Variants in PDE3B observed in about 807,000 individuals in gnomAD.
The protein encoded by PDE3B is cGMP-inhibited 3',5'-cyclic phosphodiesterase 3B.
PDE3B carries 66 observed loss-of-function variants against 116.8 expected under a neutral mutation model. The ratio of observed to expected loss-of-function variants is 0.56; its 90% CI spans 0.46 to 0.69. The LOEUF is 0.69. PDE3B is among the 30% of genes least tolerant of loss of function. The pLI, the probability that PDE3B is intolerant of heterozygous loss-of-function variation, is 0.00. For missense variants in PDE3B, 1,384 were observed against 1,368.1 expected, an observed-to-expected ratio of 1.01 and a Z score of -0.18; for synonymous variants, 595 against 533.6, an observed-to-expected ratio of 1.12 and a Z score of -1.59.
At chr11:14,726,568 G>C (rs1251364826) in intron 1 of PDE3B, among the ~76,000 whole-genome samples, 2 of 152,184 alleles carry the variant, frequency 1.3e-5, no homozygotes, top group African/African-American at 4.8e-5. Context: ...AAGGGACCCA[G>C]ATTCAAGCCT....
At chr11:14,845,141 C>A (rs1240250929) in intron 12 of PDE3B, among the ~76,000 whole-genome samples, 2 of 151,990 alleles carry the variant, frequency 1.3e-5, no homozygotes, top group African/African-American at 2.4e-5. Context: ...CGAGACAAAA[C>A]TTCCAGAGGA....
At chr11:14,746,950 G>T (rs1856925528) in intron 1 of PDE3B, among the ~76,000 whole-genome samples, 2 of 152,148 alleles carry the variant, frequency 1.3e-5, no homozygotes, top group Non-Finnish European at 2.9e-5. Context: ...AAGAAAAGAG[G>T]TTTAGTTGGC....
chr11:14,676,271 C>T (rs143683789), intron 1 of PDE3B, among the ~76,000 whole-genome samples: 159 of 152,186 alleles, frequency 1.0e-3, no homozygotes, highest in African/African-American at 3.6e-3. Context: ...TAGGTGATTT[C>T]GTCATTGTGC....
Position 14,778,020 on chromosome 11 carries a change from C to T in PDE3B, c.1029+6033C>T, listed in dbSNP as rs369678637. 1.8e-4 allele frequency among the ~76,000 whole-genome samples: 27 copies of T among 152,212 alleles called. 1 individual carries two copies. The highest frequency in any genetic ancestry group is 1.3e-3 in the Admixed American group (20 of 15,286). On this transcript the variant is annotated intron_variant, in intron 2 of 15. Coordinates refer to ENST00000282096, the MANE Select transcript of PDE3B (RefSeq NM_000922.4). ...CAAACGGCACACCAGGAGATTATGT[C>T]CTGTGCCTGGCTCGGGGGGTTCCAC...
intron 10 of PDE3B, among the ~76,000 whole-genome samples, chr11:14,833,445 GGTT>G (rs1050419586): frequency 2.0e-5 from 3 of 151,996 alleles, no homozygotes; most frequent in Non-Finnish European, 4.4e-5. Flanking sequence ...TTTTTCACCT[GGTT>G]GTTATACAGT....
intron 1 of PDE3B, among the ~76,000 whole-genome samples, chr11:14,662,352 T>TG (rs1370034338): frequency 2.0e-5 from 3 of 151,850 alleles, no homozygotes; most frequent in African/African-American, 7.3e-5. Context: ...ACCACAAAGA[T>TG]GGGGAAAAAA....
rs11023356 is a variant in PDE3B, at chr11:14,848,621, G to A, written c.2520+4595G>A. 9.8e-5 allele frequency among the ~76,000 whole-genome samples: 15 copies of A among 152,288 alleles called. No homozygotes were observed. The East Asian group carries it at 2.7e-3, about 27-fold the overall frequency. On this transcript the variant is annotated intron_variant, in intron 12 of 15. Transcript: ENST00000282096. The stretch of plus-strand genomic sequence containing the variant: ...TCTCAGCCCAAAATCTCCTTAAGCT[G>A]ATAAGCAACTTCAGCAAAGTCTGAG...
chr11:14,673,378 G>A (rs1854431308), intron 1 of PDE3B, among the ~76,000 whole-genome samples: 1 of 151,410 alleles, frequency 6.6e-6, no homozygotes, highest in Non-Finnish European at 1.5e-5. Flanking sequence ...GTCCATCATT[G>A]AATACACTGG....
rs371532944 is a variant in PDE3B at position 14,661,864 on chromosome 11, C to A, written c.978+16811C>A. On this transcript the variant is annotated intron_variant, in intron 1 of 15. Coordinates refer to ENST00000282096, the MANE Select transcript of PDE3B (RefSeq NM_000922.4). Reference sequence around the variant, plus strand: ...GAGGCCTGCCTGCTTCTGTAGGCTCCACCTCTGGGGGCAGGGCACAGACAA... The same window carrying A: ...GAGGCCTGCCTGCTTCTGTAGGCTCAACCTCTGGGGGCAGGGCACAGACAA... 1.2e-3 allele frequency among the ~76,000 whole-genome samples: 176 copies of A among 152,312 alleles called. 4 individuals carry two copies. In the South Asian group the frequency reaches 0.036, roughly 31 times the overall value.
intron 10 of PDE3B, 43 bp downstream of exon 10, chr11:14,832,876 G>T: frequency 3.5e-6 from 3 of 851,932 alleles, no homozygotes; most frequent in South Asian, 1.5e-5. Context: ...AAATAATATG[G>T]GTTTTGAAAC....
At chr11:14,889,184 G>A in the PDE3B span, among the ~76,000 whole-genome samples, 378 of 137,622 alleles carry the variant, frequency 2.7e-3, 3 homozygotes, top group African/African-American at 9.5e-3. Context: ...TTTTTTCTGT[G>A]AGCATACATC....
At chr11:14,873,272 T>C (rs1848161762), downstream of PDE3B, among the ~76,000 whole-genome samples, 1 of 152,224 alleles carries the variant, frequency 6.6e-6, no homozygotes, top group Admixed American at 6.5e-5. Context: ...GGGAACTTCA[T>C]TCTATTTTGT....
the PDE3B span, chr11:14,890,537 C>CTTTTTTTTTTTT: frequency 1.9e-4 from 12 of 64,272 alleles, 2 homozygotes; most frequent in South Asian, 7.7e-4. Context: ...TAGACCAATT[C>CTTTTTTTTTTTT]TTTTTTTTTT....
chr11:14,650,222 G>A (rs60308042), intron 1 of PDE3B, among the ~76,000 whole-genome samples: 3 of 138,024 alleles, frequency 2.2e-5, no homozygotes, highest in Non-Finnish European at 4.6e-5. Context: ...TTTTTTTTGA[G>A]ACAGGGTCTC....
At chr11:14,685,416 A>G (rs549057543) in intron 1 of PDE3B, among the ~76,000 whole-genome samples, 14 of 149,712 alleles carry the variant, frequency 9.4e-5, no homozygotes, top group African/African-American at 3.4e-4. Flanking sequence ...CTTGGAAGAC[A>G]ATTAATCACT....
At chr11:14,883,736 AG>A in the PDE3B span, among the ~76,000 whole-genome samples, 1 of 152,110 alleles carries the variant, frequency 6.6e-6, no homozygotes, top group South Asian at 2.1e-4. Context: ...CTACCATCAG[AG>A]TGAACAGGCA....
At chr11:14,749,115 T>A (rs1315039534) in intron 1 of PDE3B, among the ~76,000 whole-genome samples, 1 of 152,162 alleles carries the variant, frequency 6.6e-6, no homozygotes, top group Non-Finnish European at 1.5e-5. Context: ...TGTCAAACTC[T>A]TGGCCTCAAG....
chr11:14,703,293 C>T (rs1252411302), intron 1 of PDE3B, among the ~76,000 whole-genome samples: 2 of 151,622 alleles, frequency 1.3e-5, no homozygotes, highest in Non-Finnish European at 3.0e-5. Flanking sequence ...AAATTACTAC[C>T]ACTCTGTAGC....
intron 12 of PDE3B, among the ~76,000 whole-genome samples, chr11:14,855,670 A>T (rs192783878): frequency 6.6e-6 from 1 of 152,298 alleles, no homozygotes; most frequent in African/African-American, 2.4e-5. Flanking sequence ...AGAGACAGAG[A>T]CAGAGCAAGA....
Sources: gnomAD v4.1 joint callset for allele counts (sites outside exome capture counted in the v4.1 genomes callset) on GRCh38, gnomAD v4.1.1 for gene constraint, MANE v1.5 for transcripts, NCBI Gene and HGNC (gene_info 2026-07-23, HGNC 2026-07-21) for gene names.